CNTNAP2: variants seen among roughly 807,000 people sequenced by gnomAD.
CNTNAP2 encodes contactin-associated protein-like 2.
A neutral mutation model predicts 155.2 loss-of-function variants in CNTNAP2; 98 were observed. The observed-to-expected ratio is 0.63, with a 90% confidence interval of 0.54 to 0.75. CNTNAP2 has a LOEUF of 0.75. CNTNAP2 is among the 30% of genes least tolerant of loss of function. The probability of loss-of-function intolerance (pLI) is 0.00; values close to 1 mark genes in which losing one functional copy is unlikely to be tolerated. For missense variants in CNTNAP2, 1,727 were observed against 1,688.1 expected (o/e 1.02, Z -0.40); for synonymous variants, 651 against 631.2 (o/e 1.03, Z -0.47).
chr7:147,811,618 A>G (rs1056996474), intron 13 of CNTNAP2, among the ~76,000 whole-genome samples: 1 of 152,206 alleles, frequency 6.6e-6, no homozygotes. Context: ...GCAAATAAGT[A>G]TATGATTATC....
intron 8 of CNTNAP2, among the ~76,000 whole-genome samples, chr7:147,270,441 C>T (rs543807523): frequency 4.0e-4 from 61 of 152,270 alleles, no homozygotes; most frequent in African/African-American, 1.4e-3. Context: ...AATTAAGTCG[C>T]TGGTTACTTT....
At chr7:147,076,589 A>C (rs992447561) in intron 4 of CNTNAP2, among the ~76,000 whole-genome samples, 1 of 152,190 alleles carries the variant, frequency 6.6e-6, no homozygotes, top group East Asian at 1.9e-4. Context: ...GAAATCAGTT[A>C]TGACTTTCAA....
intron 9 of CNTNAP2, among the ~76,000 whole-genome samples, chr7:147,364,597 C>A (rs1291376571): frequency 1.3e-5 from 2 of 152,184 alleles, no homozygotes; most frequent in African/African-American, 4.8e-5. Context: ...TCTTTAAGTT[C>A]TGTTGGTTAA....
chr7:146,669,774 A>T (rs1253287496), intron 1 of CNTNAP2, among the ~76,000 whole-genome samples: 1 of 152,162 alleles, frequency 6.6e-6, no homozygotes, highest in Non-Finnish European at 1.5e-5. Context: ...AATTTGATGC[A>T]CTGTATTAAA....
At chr7:147,055,716 C>T (rs1169441058) in intron 4 of CNTNAP2, among the ~76,000 whole-genome samples, 1 of 152,120 alleles carries the variant, frequency 6.6e-6, no homozygotes, top group Non-Finnish European at 1.5e-5. Context: ...GTGGTCTTCC[C>T]CCTGGTTCCC....
intron 21 of CNTNAP2, among the ~76,000 whole-genome samples, chr7:148,347,321 G>A (rs1337226200): frequency 6.6e-6 from 1 of 151,738 alleles, no homozygotes; most frequent in Non-Finnish European, 1.5e-5. Flanking sequence ...AAACTGCCCA[G>A]TAATGCTTTC....
intron 11 of CNTNAP2, among the ~76,000 whole-genome samples, chr7:147,487,112 T>G (rs1440129313): frequency 1.3e-5 from 2 of 152,162 alleles, no homozygotes; most frequent in Non-Finnish European, 2.9e-5. Flanking sequence ...AGCCTTTCCA[T>G]TGTGTTATTT....
intron 15 of CNTNAP2, among the ~76,000 whole-genome samples, chr7:148,102,662 A>C (rs11974602): frequency 0.16 from 24,870 of 152,196 alleles, 5,595 homozygotes; most frequent in African/African-American, 0.51. Flanking sequence ...CTGCTCAATA[A>C]ATGTAGAAGG....
Position 147,283,795 on chromosome 7 carries a change from C to T in CNTNAP2, c.1349-16346C>T, listed in dbSNP as rs532225282. Among the ~76,000 whole-genome samples the T allele has an allele frequency of 1.7e-4, 26 of 151,900 alleles. No individual in the cohort carries two copies. In the South Asian group the frequency reaches 3.5e-3, roughly 21 times the overall value. ...TACTTTCTGGGACTCTACAACTTGG[C>T]GTTAAATCACAGAAGTGGCTATGAA... On this transcript the variant is annotated intron_variant, in intron 8 of 23. Coordinates refer to ENST00000361727, the MANE Select transcript of CNTNAP2 (RefSeq NM_014141.6).
At chr7:146,573,867 A>G (rs1004027665) in intron 1 of CNTNAP2, among the ~76,000 whole-genome samples, 1 of 152,204 alleles carries the variant, frequency 6.6e-6, no homozygotes, top group African/African-American at 2.4e-5. Context: ...TTTGTTAAAT[A>G]GGATTGTTAA....
At chr7:146,609,146 A>G (rs1359985224) in intron 1 of CNTNAP2, among the ~76,000 whole-genome samples, 1 of 152,140 alleles carries the variant, frequency 6.6e-6, no homozygotes, top group Non-Finnish European at 1.5e-5. Flanking sequence ...GTTTCTTCAC[A>G]TTGATCATCT....
chr7:147,886,710 A>G (rs1317068134), intron 13 of CNTNAP2, among the ~76,000 whole-genome samples: 4 of 152,046 alleles, frequency 2.6e-5, no homozygotes, highest in Non-Finnish European at 5.9e-5. Context: ...GGCACCTTAC[A>G]CATGTTTCCG....
chr7:146,172,199 T>C (rs1395628856), intron 1 of CNTNAP2, among the ~76,000 whole-genome samples: 1 of 152,134 alleles, frequency 6.6e-6, no homozygotes, highest in African/African-American at 2.4e-5. Flanking sequence ...ATTTCTTCTT[T>C]TTAACCAAAT....
At chr7:147,821,963 G>A (rs1352783514) in intron 13 of CNTNAP2, among the ~76,000 whole-genome samples, 1 of 152,152 alleles carries the variant, frequency 6.6e-6, no homozygotes, top group African/African-American at 2.4e-5. Context: ...GGGGTTGGCA[G>A]TGAGAAAGGA....
At chr7:148,224,402 G>A (rs1470625912) in intron 19 of CNTNAP2, among the ~76,000 whole-genome samples, 1 of 152,138 alleles carries the variant, frequency 6.6e-6, no homozygotes, top group Admixed American at 6.6e-5. Context: ...AAGGCCCTGA[G>A]GTAGGAGGAG....
At chr7:146,785,473 CATAAAATATTATTTACTGCAT>C (rs1802560142) in intron 2 of CNTNAP2, among the ~76,000 whole-genome samples, 1 of 152,118 alleles carries the variant, frequency 6.6e-6, no homozygotes, top group South Asian at 2.1e-4. Context: ...TGAACAAGTA[CATAAAATATTATTTACTGCAT>C]ATATTATTCT....
chr7:147,409,740 C>T (rs983781121), intron 10 of CNTNAP2, among the ~76,000 whole-genome samples: 3 of 151,114 alleles, frequency 2.0e-5, no homozygotes, highest in Non-Finnish European at 2.9e-5. Context: ...GGGCAAAGGA[C>T]GTGAACAGAC....
chr7:146,632,461 G>A (rs546996987), intron 1 of CNTNAP2, among the ~76,000 whole-genome samples: 13 of 151,932 alleles, frequency 8.6e-5, no homozygotes, highest in African/African-American at 2.9e-4. Flanking sequence ...TTTTAAAATC[G>A]ATTTAGACTT....
At chr7:148,019,137 C>T (rs6969904) in intron 15 of CNTNAP2, among the ~76,000 whole-genome samples, 105,290 of 152,136 alleles carry the variant, frequency 0.69, 37,186 homozygotes, top group East Asian at 0.83. Flanking sequence ...GTTGATCTCA[C>T]TGATGTGAAA....
Sources: gnomAD v4.1 joint callset for allele counts (sites outside exome capture counted in the v4.1 genomes callset) on GRCh38, gnomAD v4.1.1 for gene constraint, MANE v1.5 for transcripts, NCBI Gene and HGNC (gene_info 2026-07-23, HGNC 2026-07-21) for gene names.